Variants in TJP3 observed in about 807,000 individuals in gnomAD.
The protein encoded by TJP3 is tight junction protein ZO-3.
A neutral mutation model predicts 104.2 loss-of-function variants in TJP3; 85 were observed. The ratio of observed to expected loss-of-function variants is 0.82; its 90% confidence interval spans 0.68 to 0.98. The LOEUF (loss-of-function observed/expected upper bound fraction) is 0.98. TJP3 is among the 50% of genes least tolerant of loss of function. The pLI, the probability that TJP3 is intolerant of heterozygous loss-of-function variation, is 0.00. For missense variants in TJP3, 1,367 were observed against 1,322.8 expected, an observed-to-expected ratio of 1.03 and a Z score of -0.52; for synonymous variants, 550 against 550.6, an observed-to-expected ratio of 1.00 and a Z score of 0.02.
chr19:3,709,561 C>T (rs1244061203), intron 1 of TJP3, among the ~76,000 whole-genome samples: 1 of 152,094 alleles, frequency 6.6e-6, no homozygotes, highest in African/African-American at 2.4e-5. Context: ...CCTCGTGAGC[C>T]AAGTGTCCGA....
At chr19:3,750,385 C>T (rs2036976288) in intron 20 of TJP3, among the ~76,000 whole-genome samples, 197 bp from the exon 21 acceptor site, 1 of 152,124 alleles carries the variant, frequency 6.6e-6, no homozygotes, top group Non-Finnish European at 1.5e-5. Flanking sequence ...CCTAGGAAGG[C>T]TTCTTGAAGG....
intron 1 of TJP3, among the ~76,000 whole-genome samples, chr19:3,715,556 C>T (rs968517236): frequency 6.6e-5 from 10 of 152,062 alleles, no homozygotes; most frequent in African/African-American, 1.2e-4. Context: ...TGAGAGCAGA[C>T]GGTGGGTGGT....
chr19:3,718,460 T>G (rs937628326), intron 1 of TJP3, among the ~76,000 whole-genome samples: 1 of 150,408 alleles, frequency 6.6e-6, no homozygotes, highest in African/African-American at 2.4e-5. Flanking sequence ...TTGCGGTTTT[T>G]TTTTTTTGGG....
rs200379930 is a variant in TJP3, at chr19:3,740,688, C to T, written c.1768C>T (p.Arg590Trp). The change falls in exon 14 of 21, where the codon CGG becomes TGG. Residue 590 changes from arginine (R) to tryptophan (W), a missense_variant. Coordinates refer to ENST00000541714, the MANE Select transcript of TJP3 (RefSeq NM_001267560.2). ...LRRGAKKTTQ[R>W]SREDLSALTR... ...TCGAGGAGCCAAGAAGACCACTCAG[C>T]GGAGCCGTGAGGACCTCTCAGCTCT... 15 of 1,606,350 alleles carry T rather than the reference C, an allele frequency of 9.3e-6. No individual in the cohort carries two copies. The highest frequency in any genetic ancestry group is 4.5e-5 in the East Asian group (2 of 44,316).
rs202036271 is a variant in TJP3, at chr19:3,750,122, C to G, written c.2611-16C>G. ...CTGGGGGGAGTTTTGAAGCTCCTCTCTCCCTCTCCTCCAAGGTGGACAGCC... is the reference window on the plus strand; with the variant it reads ...CTGGGGGGAGTTTTGAAGCTCCTCTGTCCCTCTCCTCCAAGGTGGACAGCC... On this transcript the variant is annotated splice_polypyrimidine_tract_variant and intron_variant, in intron 19 of 20. Coordinates refer to ENST00000541714, the MANE Select transcript of TJP3 (RefSeq NM_001267560.2). 1 of 1,614,116 alleles carries G rather than the reference C, an allele frequency of 6.2e-7. No individual in the cohort carries two copies. The highest frequency in any genetic ancestry group is 8.5e-7 in the Non-Finnish European group (1 of 1,180,016).
At chr19:3,739,899 G>C (rs2036789739) in intron 13 of TJP3, among the ~76,000 whole-genome samples, 1 of 151,942 alleles carries the variant, frequency 6.6e-6, no homozygotes, top group African/African-American at 2.4e-5. Flanking sequence ...GGGTCCCCTG[G>C]GTCACCCAGG....
intron 10 of TJP3, 26 bp downstream of exon 10, chr19:3,735,961 C>A: frequency 6.2e-7 from 1 of 1,613,484 alleles, no homozygotes; most frequent in Non-Finnish European, 8.5e-7. Flanking sequence ...GAAAGCAAAC[C>A]CGCTCAAAAC....
chr19:3,729,885 CT>C (rs2036646074), intron 3 of TJP3, 142 bp from the exon 4 acceptor site: 1 of 650,402 alleles, frequency 1.5e-6, no homozygotes, highest in Admixed American at 2.5e-5. Flanking sequence ...GGATAAATGT[CT>C]TTGTGAACCT....
chr19:3,735,390 G>A (rs917491795), intron 8 of TJP3, among the ~76,000 whole-genome samples, 176 bp from the exon 9 acceptor site: 5 of 151,546 alleles, frequency 3.3e-5, no homozygotes, highest in Admixed American at 3.3e-4. Flanking sequence ...GGAGAGACGG[G>A]GTTTAACCTC....
chr19:3,738,867 G>A (rs755565247), intron 12 of TJP3, 30 bp from the exon 13 acceptor site: 1 of 1,545,106 alleles, frequency 6.5e-7, no homozygotes, highest in South Asian at 1.2e-5. Flanking sequence ...AGCAGCCCAG[G>A]CAGCTCATGT....
rs190794796 is a variant in TJP3, at chr19:3,749,727, G to A, written c.2611-411G>A. 568 of 216,894 alleles carry A rather than the reference G, an allele frequency of 2.6e-3. 2 individuals are homozygous for A. The highest frequency in any genetic ancestry group is 0.013 in the African/African-American group (554 of 43,552). 13.4% of individuals were successfully genotyped at this position (216,894 alleles called of 1,614,324 possible). A position where few individuals can be genotyped will look rare whatever the true frequency, so the allele number is the denominator to read the frequency against. On this transcript the variant is annotated intron_variant, in intron 19 of 20. Coordinates refer to ENST00000541714, the MANE Select transcript of TJP3 (RefSeq NM_001267560.2). ...AGCATCTTCTTCCACACCCTCTCTA[G>A]GTCAATGTAAAAATCTATGAATCAA...
At position 3,743,999 on chromosome 19, in the gene TJP3, T is replaced by G. The variant is rs1319461504; in HGVS notation, c.1904T>G (p.Leu635Trp). ...GPVADIAMQKLTAEMPDQFEI... is the reference protein window; with the variant it reads ...GPVADIAMQKWTAEMPDQFEI... ...GTGGCCGACATTGCTATGCAGAAGT[T>G]GACTGCTGAGATGCCTGACCAGTTT... Residue 635 changes from leucine (L) to tryptophan (W), a missense_variant, in exon 15 of 21, where the codon TTG becomes TGG. Transcript: ENST00000541714. The G allele has an allele frequency of 1.9e-6, 3 of 1,614,020 alleles. No individual in the cohort carries two copies. In the Admixed American group the frequency reaches 5.0e-5, roughly 27 times the overall value.
In TJP3 at chr19:3,736,252, C is replaced by T. The variant is rs367626969; in HGVS notation, c.1215C>T (p.Phe405=). ...RLAGGNDVGI[F]VSGVQAGSPA... ...CAGGGGGCAATGACGTGGGCATCTT[C>T]GTGTCCGGGGTGCAGGCGGGCAGCC... The change falls in exon 11 of 21, where the codon TTC becomes TTT. Residue 405 remains phenylalanine (F), a synonymous_variant. Transcript: ENST00000541714. The T allele has an allele frequency of 6.4e-6, 10 of 1,567,516 alleles. No individual in the cohort carries two copies. The Admixed American group carries it at 7.6e-5, about 12-fold the overall frequency.
Position 3,736,320 on chromosome 19 carries a change from A to G in TJP3, c.1283A>G (p.Gln428Arg). Residue 428 changes from glutamine (Q) to arginine (R), a missense_variant and splice_region_variant, in exon 11 of 21, where the codon CAG becomes CGG. By Grantham distance (43) the Gln-to-Arg change is conservative. Coordinates refer to ENST00000541714, the MANE Select transcript of TJP3 (RefSeq NM_001267560.2). The part of the protein sequence containing the change: ...QGIQEGDQIL[Q>R]VNDVPFQNLT... The stretch of plus-strand genomic sequence containing the variant: ...ATCCAGGAGGGAGATCAGATTCTGC[A>G]GGTGCTCCGGGGGCGGCTGGCCAGC... The G allele has an allele frequency of 6.5e-7, 1 of 1,528,226 alleles. No homozygotes were observed. The highest frequency in any genetic ancestry group is 8.8e-7 in the Non-Finnish European group (1 of 1,138,692). The allele number at this position is 1,528,226 out of a possible 1,614,324, so 94.7% of individuals were successfully genotyped here.
chr19:3,716,358 T>A (rs2036476938), intron 1 of TJP3, among the ~76,000 whole-genome samples: 1 of 148,236 alleles, frequency 6.7e-6, no homozygotes, highest in Admixed American at 6.8e-5. Context: ...CAGGTGTGAG[T>A]CACCGCGCTC....
chr19:3,729,900 G>A, intron 3 of TJP3, 128 bp from the exon 4 acceptor site: 1 of 715,574 alleles, frequency 1.4e-6, no homozygotes, highest in Non-Finnish European at 2.5e-6. Flanking sequence ...TGAACCTAGG[G>A]ACACCAATGA....
chr19:3,713,948 A>G (rs1187552794), intron 1 of TJP3, among the ~76,000 whole-genome samples: 3 of 149,476 alleles, frequency 2.0e-5, no homozygotes, highest in African/African-American at 7.4e-5. Flanking sequence ...GATGGTCTCC[A>G]TCTCTTGACC....
rs202137743 is a variant in TJP3, at chr19:3,738,995, C to G, written c.1492C>G (p.Arg498Gly). The G allele has an allele frequency of 5.1e-5, 83 of 1,613,096 alleles. No homozygotes were observed. Among genetic ancestry groups the G allele is most frequent in the Admixed American group, 1.7e-5 (1 of 59,984 alleles). The change falls in exon 13 of 21, where the codon CGT (arginine) becomes GGT (glycine). Residue 498 changes from arginine (R) to glycine (G), a missense_variant. Coordinates refer to ENST00000541714, the MANE Select transcript of TJP3 (RefSeq NM_001267560.2). ...PSPPSGLGFTRGDVFHVLDTL... is the reference protein window; with the variant it reads ...PSPPSGLGFTGGDVFHVLDTL... ...TCCACCGTCTGGCCTGGGCTTCACC[C>G]GTGGCGACGTCTTCCACGTGCTGGA...
chr19:3,719,732 C>CAA (rs34047272), intron 1 of TJP3, among the ~76,000 whole-genome samples: 1,055 of 81,528 alleles, frequency 0.013, 32 homozygotes, highest in African/African-American at 0.04. Context: ...GACTCCGTCT[C>CAA]AAAAAAAAAA....
Sources: allele counts gnomAD v4.1 joint callset (sites outside exome capture counted in the v4.1 genomes callset), GRCh38; gene constraint gnomAD v4.1.1; transcripts MANE v1.5; gene names NCBI Gene and HGNC (gene_info 2026-07-23, HGNC 2026-07-21).